SERPINI1: variants seen among roughly 807,000 people sequenced by gnomAD.
The protein encoded by SERPINI1 is serpin family I member 1.
Under a neutral mutation model 41.1 loss-of-function variants are expected in SERPINI1, and 19 were observed. The ratio of observed to expected loss-of-function variants is 0.46; its 90% CI spans 0.32 to 0.68. The LOEUF is 0.68. Among genes scored for constraint, SERPINI1 ranks in the 30% least tolerant of loss-of-function variants. The pLI is 0.03. For synonymous variants in SERPINI1, 138 were observed against 156.6 expected (o/e 0.88, Z 0.89); for missense variants, 460 against 479.2 (o/e 0.96, Z 0.37).
chr3:167,767,751 A>C (rs1726611898), intron 1 of SERPINI1, among the ~76,000 whole-genome samples: 1 of 152,230 alleles, frequency 6.6e-6, no homozygotes, highest in African/African-American at 2.4e-5. Context: ...TGAGGGGTTC[A>C]TTGAAGTCTT....
chr3:167,765,665 A>G (rs143589754), intron 1 of SERPINI1, among the ~76,000 whole-genome samples: 8,024 of 152,294 alleles, frequency 0.053, 255 homozygotes, highest in Admixed American at 0.077. Context: ...ATTTCTCCTC[A>G]AAAAATAGAA....
Position 167,813,223 on chromosome 3 carries a change from C to A in SERPINI1, c.979+5882C>A, listed in dbSNP as rs548409094. Among the ~76,000 whole-genome samples the A allele has an allele frequency of 2.6e-5, 4 of 152,316 alleles. No homozygotes were observed. In the South Asian group the frequency reaches 8.3e-4, roughly 32 times the overall value. ...TAATTCCAATTCTTCTACTTTCTTG[C>A]CTGGATTACTGCAACAGCTAACAAA... On this transcript the variant is annotated intron_variant, in intron 6 of 8. Coordinates refer to ENST00000446050, the MANE Select transcript of SERPINI1 (RefSeq NM_001122752.2).
At chr3:167,824,723 T>G (rs1309181444) in intron 8 of SERPINI1, among the ~76,000 whole-genome samples, 161 bp downstream of exon 8, 2 of 152,172 alleles carry the variant, frequency 1.3e-5, no homozygotes, top group African/African-American at 4.8e-5. Flanking sequence ...TCAGATAGTT[T>G]ATAATGTTGA....
intron 1 of SERPINI1, among the ~76,000 whole-genome samples, chr3:167,781,357 T>G (rs1727119433): frequency 6.6e-6 from 1 of 152,174 alleles, no homozygotes; most frequent in African/African-American, 2.4e-5. Context: ...AAATATCTAC[T>G]TCAAGGGATT....
At chr3:167,771,130 A>G (rs1027134462) in intron 1 of SERPINI1, among the ~76,000 whole-genome samples, 8 of 152,212 alleles carry the variant, frequency 5.3e-5, no homozygotes, top group African/African-American at 1.9e-4. Flanking sequence ...TATCAAAATT[A>G]TAAGTACTTG....
intron 1 of SERPINI1, among the ~76,000 whole-genome samples, chr3:167,738,245 C>T (rs1344207901): frequency 6.6e-6 from 1 of 152,140 alleles, no homozygotes; most frequent in Non-Finnish European, 1.5e-5. Flanking sequence ...CAACAGAGTG[C>T]AGAATGTCTC....
intron 1 of SERPINI1, among the ~76,000 whole-genome samples, chr3:167,785,259 T>A (rs1727269374): frequency 6.6e-6 from 1 of 152,064 alleles, no homozygotes; most frequent in African/African-American, 2.4e-5. Context: ...AAAGAGTGCT[T>A]TGCACACTCT....
chr3:167,807,944 C>T lies in SERPINI1; in HGVS notation c.979+603C>T, dbSNP rs56735890. Among the ~76,000 whole-genome samples the T allele has an allele frequency of 8.1e-3, 1,224 of 151,864 alleles. 6 individuals are homozygous for T. The highest frequency in any genetic ancestry group is 0.028 in the African/African-American group (1,161 of 41,382). ...CCAACCTGGTCAACAGAGTGAAACC[C>T]CATCTCTACTAAAAATACAAAAAAT... is the stretch of plus-strand genomic sequence containing the variant. On this transcript the variant is annotated intron_variant, in intron 6 of 8. Coordinates refer to ENST00000446050, the MANE Select transcript of SERPINI1 (RefSeq NM_001122752.2).
chr3:167,794,562 C>T (rs1727650329), intron 4 of SERPINI1, 58 bp from the exon 5 acceptor site: 5 of 1,441,718 alleles, frequency 3.5e-6, no homozygotes, highest in Non-Finnish European at 4.9e-6. Context: ...TCATCTCTCG[C>T]CCCCAGCTTT....
intron 1 of SERPINI1, among the ~76,000 whole-genome samples, chr3:167,756,461 CTTTGTTTTTGTT>C (rs1046079109): frequency 2.6e-5 from 4 of 152,000 alleles, no homozygotes; most frequent in South Asian, 4.1e-4. Flanking sequence ...CCACATTCAT[CTTTGTTTTTGTT>C]TTTGTTTTTG....
At chr3:167,762,060 G>T (rs537313810) in intron 1 of SERPINI1, among the ~76,000 whole-genome samples, 1 of 152,134 alleles carries the variant, frequency 6.6e-6, no homozygotes, top group Admixed American at 6.5e-5. Flanking sequence ...TCCACCCTTG[G>T]TCTCGATGAA....
chr3:167,766,172 A>T (rs1726560482), intron 1 of SERPINI1, among the ~76,000 whole-genome samples: 1 of 149,844 alleles, frequency 6.7e-6, no homozygotes, highest in Admixed American at 6.7e-5. Context: ...TTACTGTATT[A>T]GTTCATTTTC....
At chr3:167,767,519 T>C (rs1341862831) in intron 1 of SERPINI1, among the ~76,000 whole-genome samples, 1 of 152,234 alleles carries the variant, frequency 6.6e-6, no homozygotes, top group Non-Finnish European at 1.5e-5. Context: ...ATATATTTTG[T>C]ATGTTTATAG....
chr3:167,793,853 T>TGTGTGTGTGA (rs1443655490), intron 4 of SERPINI1, among the ~76,000 whole-genome samples: 5 of 151,112 alleles, frequency 3.3e-5, no homozygotes, highest in African/African-American at 1.2e-4. Flanking sequence ...TGTGTGTGTG[T>TGTGTGTGTGA]GTGTGTGTGT....
chr3:167,810,912 G>T (rs1006435310), intron 6 of SERPINI1, among the ~76,000 whole-genome samples: 1 of 151,994 alleles, frequency 6.6e-6, no homozygotes, highest in East Asian at 1.9e-4. Context: ...TCTTCACCAG[G>T]AGTAGATCTC....
At chr3:167,765,367 C>T (rs2108542334) in intron 1 of SERPINI1, among the ~76,000 whole-genome samples, 1 of 152,346 alleles carries the variant, frequency 6.6e-6, no homozygotes, top group East Asian at 1.9e-4. Context: ...TGGTAGCTGC[C>T]AAGGCTTGAA....
intron 5 of SERPINI1, among the ~76,000 whole-genome samples, chr3:167,797,387 G>A (rs1275486748): frequency 1.3e-5 from 2 of 151,992 alleles, no homozygotes; most frequent in Non-Finnish European, 1.5e-5. Context: ...TGTTGCAATC[G>A]CTTTTGATGT....
intron 1 of SERPINI1, among the ~76,000 whole-genome samples, chr3:167,774,107 A>G (rs1726885036): frequency 6.6e-6 from 1 of 152,230 alleles, no homozygotes; most frequent in Non-Finnish European, 1.5e-5. Flanking sequence ...AAATTAGTAT[A>G]CATTTTTAAA....
chr3:167,759,087 G>C (rs753266859), intron 1 of SERPINI1, among the ~76,000 whole-genome samples: 1 of 152,004 alleles, frequency 6.6e-6, no homozygotes, highest in Non-Finnish European at 1.5e-5. Context: ...CAGGTGTTCT[G>C]TTAGATTCCA....
Sources: allele counts gnomAD v4.1 joint callset (sites outside exome capture counted in the v4.1 genomes callset), GRCh38; gene constraint gnomAD v4.1.1; transcripts MANE v1.5; gene names NCBI Gene and HGNC (gene_info 2026-07-23, HGNC 2026-07-21).